The following NUMB variants were observed in gnomAD, a reference collection of about 807,000 sequenced individuals.
NUMB encodes NUMB endocytic adaptor protein, also known as protein numb homolog.
A neutral mutation model predicts 59.7 loss-of-function variants in NUMB; 29 were observed. The observed-to-expected ratio is 0.49, with a 90% CI of 0.36 to 0.66. NUMB has a LOEUF of 0.66. NUMB is among the 30% of genes least tolerant of loss of function. NUMB has a pLI of 0.00. For missense variants in NUMB, 723 were observed against 822.0 expected, an observed-to-expected ratio of 0.88 and a Z score of 1.47; for synonymous variants, 288 against 288.2, an observed-to-expected ratio of 1.00 and a Z score of 0.01.
At chr14:73,448,000 G>T (rs534832961) in intron 1 of NUMB, among the ~76,000 whole-genome samples, 7 of 152,028 alleles carry the variant, frequency 4.6e-5, no homozygotes, top group Non-Finnish European at 7.4e-5. Context: ...GTTTTACCAC[G>T]TTGGCCAGGC....
intron 1 of NUMB, among the ~76,000 whole-genome samples, chr14:73,447,500 A>T (rs1883603450): frequency 6.6e-6 from 1 of 151,894 alleles, no homozygotes; most frequent in South Asian, 2.1e-4. Context: ...AAAATAAATA[A>T]ATATATATAA....
At chr14:73,329,559 A>T (rs1891848114) in intron 4 of NUMB, among the ~76,000 whole-genome samples, 1 of 152,136 alleles carries the variant, frequency 6.6e-6, no homozygotes, top group Non-Finnish European at 1.5e-5. Flanking sequence ...ATGGATGCGG[A>T]GGGCTGAGTG....
intron 2 of NUMB, among the ~76,000 whole-genome samples, chr14:73,376,660 G>A (rs190243782): frequency 6.6e-6 from 1 of 152,206 alleles, no homozygotes. Flanking sequence ...AAGACAGTAT[G>A]GTATTTCAAA....
intron 4 of NUMB, among the ~76,000 whole-genome samples, chr14:73,341,077 G>A (rs1015836074): frequency 1.3e-5 from 2 of 152,180 alleles, no homozygotes; most frequent in Admixed American, 6.5e-5. Flanking sequence ...CCCCAGCCAT[G>A]TGGAACTGTG....
intron 3 of NUMB, among the ~76,000 whole-genome samples, chr14:73,364,861 C>T (rs1894263184): frequency 1.3e-5 from 2 of 152,058 alleles, no homozygotes. Flanking sequence ...TGATCTCAAA[C>T]TCCTGGGCTC....
intron 2 of NUMB, among the ~76,000 whole-genome samples, chr14:73,367,294 TATACACACAC>T (rs1894389248): frequency 8.6e-6 from 1 of 116,816 alleles, no homozygotes; most frequent in Non-Finnish European, 1.6e-5. Context: ...TATATATATA[TATACACACAC>T]ACACACACAC....
chr14:73,327,891 C>T (rs939171754), intron 4 of NUMB, among the ~76,000 whole-genome samples: 1 of 152,170 alleles, frequency 6.6e-6, no homozygotes, highest in Non-Finnish European at 1.5e-5. Flanking sequence ...TTGTAATCAA[C>T]TCCTCCGCCT....
At chr14:73,386,451 C>T (rs1331782702) in intron 2 of NUMB, among the ~76,000 whole-genome samples, 1 of 152,104 alleles carries the variant, frequency 6.6e-6, no homozygotes, top group East Asian at 1.9e-4. Flanking sequence ...TGCTACAATT[C>T]CAGATTTTTT....
At chr14:73,447,056 G>A (rs8021145) in intron 1 of NUMB, among the ~76,000 whole-genome samples, 2,239 of 146,388 alleles carry the variant, frequency 0.015, 53 homozygotes, top group African/African-American at 0.05. Flanking sequence ...GCGTGGTGGC[G>A]CACCCTGTAG....
chr14:73,415,966 T>C (rs939811064), intron 1 of NUMB, among the ~76,000 whole-genome samples: 17 of 152,176 alleles, frequency 1.1e-4, no homozygotes, highest in African/African-American at 4.1e-4. Flanking sequence ...CTATAAACAA[T>C]TGGAAATGCT....
intron 5 of NUMB, among the ~76,000 whole-genome samples, chr14:73,321,389 G>C (rs1891395633): frequency 6.6e-6 from 1 of 151,844 alleles, no homozygotes; most frequent in Non-Finnish European, 1.5e-5. Context: ...AATGTTCTTA[G>C]CTAAAATCAT....
At position 73,304,538 on chromosome 14, in the gene NUMB, C is replaced by T. The variant is rs1207968981; in HGVS notation, c.235-7253G>A. On this transcript the variant is annotated intron_variant, in intron 6 of 12. Transcript: ENST00000555238. ...TGCCCAGGCTGGTCTCAAGTTCTGG[C>T]TTCAAGTGATCCTCCCACCTCAGCC... is the stretch of plus-strand genomic sequence containing the variant. 3.3e-5 allele frequency among the ~76,000 whole-genome samples: 5 copies of T among 151,976 alleles called. No individual in the cohort carries two copies. The East Asian group carries it at 9.6e-4, about 29-fold the overall frequency.
intron 8 of NUMB, among the ~76,000 whole-genome samples, chr14:73,289,330 C>T (rs751614935): frequency 6.6e-6 from 1 of 152,206 alleles, no homozygotes; most frequent in African/African-American, 2.4e-5. Flanking sequence ...TATATAGATA[C>T]ACTGGATTAC....
chr14:73,379,772 A>G (rs932489930), intron 2 of NUMB, among the ~76,000 whole-genome samples: 1 of 152,186 alleles, frequency 6.6e-6, no homozygotes, highest in Non-Finnish European at 1.5e-5. Flanking sequence ...TGTTAGAGGA[A>G]TAACAAGGAG....
At chr14:73,343,438 T>C (rs1892744958) in intron 4 of NUMB, among the ~76,000 whole-genome samples, 1 of 152,180 alleles carries the variant, frequency 6.6e-6, no homozygotes, top group African/African-American at 2.4e-5. Context: ...CGGTTGACAT[T>C]GTTAGTTGCC....
intron 4 of NUMB, among the ~76,000 whole-genome samples, chr14:73,334,324 C>T (rs1190381959): frequency 2.0e-5 from 3 of 152,152 alleles, no homozygotes; most frequent in South Asian, 2.1e-4. Context: ...AGCAGAACTG[C>T]TCTATTGTTT....
rs747459691 is a variant in NUMB at position 73,292,835 on chromosome 14, A to G, written c.349T>C (p.Cys117Arg). ...CTATCAAAGTTCCTGTCTGGGGCACAGAAAGAAACTTTCTCTATCGTCTGG... is the reference window on the plus strand; with the variant it reads ...CTATCAAAGTTCCTGTCTGGGGCACGGAAAGAAACTTTCTCTATCGTCTGG... ...VDQTIEKVSF[C>R]APDRNFDRAF... The change falls in exon 8 of 13, where the codon TGT becomes CGT. Residue 117 changes from cysteine to arginine, a missense_variant. This residue lies in a region of NUMB where 317 missense variants were observed against 436.6 expected (regional missense o/e 0.73). Transcript: ENST00000555238. The G allele has an allele frequency of 6.2e-7, 1 of 1,614,280 alleles. No homozygotes were observed. Among genetic ancestry groups the G allele is most frequent in the Non-Finnish European group, 8.5e-7 (1 of 1,180,052 alleles).
At chr14:73,447,633 AAAAC>A (rs147391591) in intron 1 of NUMB, among the ~76,000 whole-genome samples, 3,345 of 151,438 alleles carry the variant, frequency 0.022, 45 homozygotes, top group African/African-American at 0.028. Flanking sequence ...AAAGGAAAAA[AAAAC>A]AAACAAACCT....
chr14:73,279,500 T>A (rs754941411), intron 11 of NUMB, 76 bp from the exon 12 acceptor site: 3 of 1,408,550 alleles, frequency 2.1e-6, no homozygotes, highest in Non-Finnish European at 2.9e-6. Context: ...GCTGTGTCAG[T>A]CAGGTGAATG....
Sources: allele counts gnomAD v4.1 joint callset (sites outside exome capture counted in the v4.1 genomes callset), GRCh38; gene constraint gnomAD v4.1.1; regional missense constraint gnomAD v4.1.1; transcripts MANE v1.5; gene names NCBI Gene and HGNC (gene_info 2026-07-23, HGNC 2026-07-21).